Variants in DYNC2LI1 observed in about 807,000 individuals in gnomAD.
The protein encoded by DYNC2LI1 is cytoplasmic dynein 2 light intermediate chain 1.
DYNC2LI1 carries 45 observed loss-of-function variants against 51.9 expected under a neutral mutation model. The ratio of observed to expected loss-of-function variants is 0.87; its 90% CI spans 0.68 to 1.11. DYNC2LI1 has a LOEUF of 1.11. Ranked by LOEUF, DYNC2LI1 falls within the 50% of genes most tolerant of loss-of-function variation. The pLI is 0.00. For missense variants in DYNC2LI1, 490 were observed against 417.4 expected, an observed-to-expected ratio of 1.17 and a Z score of -1.51; for synonymous variants, 130 against 137.8, an observed-to-expected ratio of 0.94 and a Z score of 0.40.
the DYNC2LI1 span, among the ~76,000 whole-genome samples, chr2:43,827,271 G>T: frequency 1.3e-5 from 2 of 150,362 alleles, no homozygotes; most frequent in South Asian, 2.1e-4. Context: ...GTTGCAGTGA[G>T]CCAAGATCGC....
At chr2:43,823,196 A>G in the DYNC2LI1 span, among the ~76,000 whole-genome samples, 2 of 152,188 alleles carry the variant, frequency 1.3e-5, no homozygotes. Context: ...GTTGTCACCA[A>G]TTCACGAAAA....
the DYNC2LI1 span, chr2:43,824,214 C>G: frequency 6.2e-7 from 1 of 1,614,208 alleles, no homozygotes; most frequent in Non-Finnish European, 8.5e-7. Context: ...TTGTGAGCCT[C>G]TTACCTCAGG....
chr2:43,813,277 T>A (rs772378718), downstream of DYNC2LI1: 1 of 1,613,796 alleles, frequency 6.2e-7, no homozygotes, highest in South Asian at 1.1e-5. Flanking sequence ...AAGGCACACA[T>A]TGGATTAGTT....
At chr2:43,813,010 G>C (rs988955530), downstream of DYNC2LI1, 10 of 719,264 alleles carry the variant, frequency 1.4e-5, no homozygotes, top group East Asian at 5.3e-5. Flanking sequence ...TAAAAGACTT[G>C]AGATGTCCTG....
chr2:43,787,066 G>C (rs1449372198), intron 3 of DYNC2LI1, 115 bp from the exon 4 acceptor site: 3 of 722,132 alleles, frequency 4.2e-6, no homozygotes, highest in Admixed American at 4.9e-5. Context: ...ATTATACAAG[G>C]TAACTTCTCT....
downstream of DYNC2LI1, chr2:43,814,741 A>C (rs560649884): frequency 3.0e-4 from 176 of 578,792 alleles, 3 homozygotes; most frequent in South Asian, 3.7e-3. Context: ...AAACCTTCAA[A>C]CAACATTGAA....
chr2:43,809,759 G>T lies in DYNC2LI1; in HGVS notation c.1048G>T (p.Asp350Tyr). ...SSKSWKQIELDS is the reference protein window; with the variant it reads ...SSKSWKQIELYS ...CAAGTCTTGGAAACAAATCGAGCTT[G>T]ATTCTTGAACCTATTTCAATTATTG... Residue 350 changes from aspartate to tyrosine, a missense_variant, in exon 13 of 13, where the codon GAT becomes TAT. Coordinates refer to ENST00000260605, the MANE Select transcript of DYNC2LI1 (RefSeq NM_016008.4). The T allele has an allele frequency of 6.2e-7, 1 of 1,611,444 alleles. No homozygotes were observed.
At chr2:43,826,119 A>T in the DYNC2LI1 span, among the ~76,000 whole-genome samples, 5 of 151,012 alleles carry the variant, frequency 3.3e-5, no homozygotes, top group Admixed American at 6.6e-5. Context: ...GGGACCACAG[A>T]TATGCACCAC....
At chr2:43,792,839 T>C (rs539469562) in intron 5 of DYNC2LI1, 1 of 1,498,056 alleles carries the variant, frequency 6.7e-7, no homozygotes, top group Admixed American at 2.2e-5. Flanking sequence ...TTTCCCTCAC[T>C]TCTAAGGCTA....
chr2:43,781,282 T>A (rs1673266794), intron 2 of DYNC2LI1, among the ~76,000 whole-genome samples: 1 of 151,240 alleles, frequency 6.6e-6, no homozygotes, highest in African/African-American at 2.4e-5. Flanking sequence ...GGCCTAAGAA[T>A]CACTTGAACC....
chr2:43,804,554 A>T, intron 10 of DYNC2LI1, 88 bp from the exon 11 acceptor site: 1 of 850,434 alleles, frequency 1.2e-6, no homozygotes. Context: ...TCCGAGATGT[A>T]TACCTTTGTT....
At chr2:43,776,491 T>C (rs943006629) in intron 1 of DYNC2LI1, among the ~76,000 whole-genome samples, 1 of 152,156 alleles carries the variant, frequency 6.6e-6, no homozygotes, top group Non-Finnish European at 1.5e-5. Flanking sequence ...GAAGCTGACA[T>C]ACACAGCTAT....
chr2:43,811,859 G>A (rs1382224946), downstream of DYNC2LI1, among the ~76,000 whole-genome samples: 1 of 152,158 alleles, frequency 6.6e-6, no homozygotes, highest in African/African-American at 2.4e-5. Context: ...CTCCCAAAGT[G>A]CTGGGATTAC....
chr2:43,800,141 A>T (rs73923884), intron 8 of DYNC2LI1, among the ~76,000 whole-genome samples: 2 of 152,280 alleles, frequency 1.3e-5, no homozygotes, highest in African/African-American at 2.4e-5. Context: ...CAGAAATCCA[A>T]TCTAGCTTTT....
At chr2:43,813,697 G>GT (rs1235368677), downstream of DYNC2LI1, among the ~76,000 whole-genome samples, 880 of 91,250 alleles carry the variant, frequency 9.6e-3, 19 homozygotes, top group African/African-American at 0.028. Flanking sequence ...TTTTTTTGGG[G>GT]TTTTTTTTTT....
the DYNC2LI1 span, among the ~76,000 whole-genome samples, chr2:43,821,619 G>C: frequency 1.3e-5 from 2 of 152,132 alleles, no homozygotes; most frequent in Admixed American, 1.3e-4. Flanking sequence ...TGGAAGGTGT[G>C]CTGGACAATG....
chr2:43,780,490 G>T (rs1292331306), intron 2 of DYNC2LI1, among the ~76,000 whole-genome samples: 1 of 152,194 alleles, frequency 6.6e-6, no homozygotes, highest in African/African-American at 2.4e-5. Flanking sequence ...TAGAGTAGTT[G>T]TTTATAGGTG....
At chr2:43,780,879 T>C (rs1673249704) in intron 2 of DYNC2LI1, among the ~76,000 whole-genome samples, 1 of 152,074 alleles carries the variant, frequency 6.6e-6, no homozygotes, top group South Asian at 2.1e-4. Context: ...TTGTACTAGG[T>C]CAATGTTTCT....
chr2:43,815,812 G>T, the DYNC2LI1 span, among the ~76,000 whole-genome samples: 1 of 150,124 alleles, frequency 6.7e-6, no homozygotes, highest in African/African-American at 2.5e-5. Context: ...GAATGACCAT[G>T]AATGAGACAG....
Sources: allele counts gnomAD v4.1 joint callset (sites outside exome capture counted in the v4.1 genomes callset), GRCh38; gene constraint gnomAD v4.1.1; transcripts MANE v1.5; gene names NCBI Gene and HGNC (gene_info 2026-07-23, HGNC 2026-07-21).